The following NCOA6 variants were observed in gnomAD, a reference collection of about 807,000 sequenced individuals.
NCOA6 encodes nuclear receptor coactivator 6.
In NCOA6, 49 loss-of-function variants were observed where a neutral mutation model predicts 171.4. The ratio of observed to expected loss-of-function variants is 0.29; its 90% CI spans 0.23 to 0.36. The LOEUF (loss-of-function observed/expected upper bound fraction) is 0.36. Among genes scored for constraint, NCOA6 ranks in the 10% least tolerant of loss-of-function variants. The pLI, the probability that NCOA6 is intolerant of heterozygous loss-of-function variation, is 1.00. For missense variants in NCOA6, 2,248 were observed against 2,554.5 expected (o/e 0.88, Z 2.59); for synonymous variants, 910 against 927.5 (o/e 0.98, Z 0.34).
intron 8 of NCOA6, 126 bp from the exon 9 acceptor site, chr20:34,750,645 G>A (rs2076447326): frequency 2.9e-6 from 3 of 1,042,034 alleles, no homozygotes; most frequent in African/African-American, 1.6e-5. Context: ...ACATAAATAT[G>A]CTGTTGACAT....
chr20:34,770,930 A>G (rs1186419732), intron 4 of NCOA6, among the ~76,000 whole-genome samples: 1 of 152,132 alleles, frequency 6.6e-6, no homozygotes, highest in Non-Finnish European at 1.5e-5. Flanking sequence ...GTGCCAGGCC[A>G]GGCCAAACTT....
At chr20:34,756,725 A>T (rs1283142848) in intron 7 of NCOA6, among the ~76,000 whole-genome samples, 1 of 152,186 alleles carries the variant, frequency 6.6e-6, no homozygotes, top group Admixed American at 6.5e-5. Flanking sequence ...ATGATTTCTG[A>T]ACTTATTCCC....
chr20:34,741,922 G>A lies in NCOA6; in HGVS notation c.4334C>T (p.Pro1445Leu), dbSNP rs952930803. 1.9e-6 allele frequency: 3 copies of A among 1,614,200 alleles called. No individual in the cohort carries two copies. Among genetic ancestry groups the A allele is most frequent in the East Asian group, 2.2e-5 (1 of 44,886 alleles). The change falls in exon 11 of 15, where the codon CCT becomes CTT. Residue 1445 changes from proline (P) to leucine (L), a missense_variant. Physicochemically the swap from Pro to Leu is moderately conservative, Grantham distance 98. This residue lies in a region of NCOA6 where 884 missense variants were observed against 941.9 expected (regional missense o/e 0.94). Transcript: ENST00000359003. ...GACAACCATTTTAACTTCTTGGGCA[G>A]GGACTGCTTTTAGTTCAATGTTTAC... ...EQVNIELKAV[P>L]AQEVKMVVPE...
rs1220969820 is a variant in NCOA6, at chr20:34,740,466, T to C, written c.5790A>G (p.Val1930=). 3 of 1,614,212 alleles carry C rather than the reference T, an allele frequency of 1.9e-6. No individual in the cohort carries two copies. Among genetic ancestry groups the C allele is most frequent in the Non-Finnish European group, 8.5e-7 (1 of 1,180,044 alleles). ...CACCATGATTGCTTTTTGTGGTCGG[T>C]ACGGCGGAGATGAGCTCGGAGGGTA... ...TLVPSELISA[V]PTTKSNHGGI... The change falls in exon 11 of 15, where the codon GTA becomes GTG. Residue 1930 remains valine, a synonymous_variant. Coordinates refer to ENST00000359003, the MANE Select transcript of NCOA6 (RefSeq NM_014071.5).
At chr20:34,732,450 G>A (rs1295095758) in intron 13 of NCOA6, 109 bp downstream of exon 13, 1 of 1,049,256 alleles carries the variant, frequency 9.5e-7, no homozygotes, top group Non-Finnish European at 1.4e-6. Context: ...TGGTGCAAGA[G>A]TGAAGGAAAA....
At chr20:34,728,963 G>C (rs1203479366) in intron 13 of NCOA6, among the ~76,000 whole-genome samples, 2 of 152,066 alleles carry the variant, frequency 1.3e-5, no homozygotes, top group Non-Finnish European at 2.9e-5. Context: ...GTTGTTGTTT[G>C]TTTTTGAGAT....
rs200033033 is a variant in NCOA6 at position 34,757,248 on chromosome 20, C to T, written c.1500G>A (p.Gly500=). ...CTAGGCCTGGATGTAAACTCTGTGG[C>T]CCCTGGTTTGGTGGTTGCTGCTGCA... ...MVMQQQPPNQ[G]PQSLHPGLGG... Residue 500 remains glycine, a synonymous_variant, in exon 7 of 15, where the codon GGG becomes GGA. Coordinates refer to ENST00000359003, the MANE Select transcript of NCOA6 (RefSeq NM_014071.5). 38 of 1,601,650 alleles carry T rather than the reference C, an allele frequency of 2.4e-5. No homozygotes were observed. The highest frequency in any genetic ancestry group is 3.2e-5 in the Non-Finnish European group (37 of 1,173,758).
intron 1 of NCOA6, among the ~76,000 whole-genome samples, chr20:34,801,950 T>C (rs1443461164): frequency 6.6e-6 from 1 of 152,248 alleles, no homozygotes; most frequent in Non-Finnish European, 1.5e-5. Flanking sequence ...ATGGCTTCAC[T>C]GCTGAATTCT....
At chr20:34,751,185 A>G (rs1170164537) in intron 8 of NCOA6, among the ~76,000 whole-genome samples, 1 of 150,286 alleles carries the variant, frequency 6.7e-6, no homozygotes, top group Non-Finnish European at 1.5e-5. Flanking sequence ...CCTGGCTAAC[A>G]AGGTGAAACC....
At chr20:34,776,504 T>A in intron 3 of NCOA6, 56 bp from the exon 4 acceptor site, 1 of 1,590,468 alleles carries the variant, frequency 6.3e-7, no homozygotes, top group Admixed American at 1.7e-5. Flanking sequence ...CCAGAGGAGA[T>A]GGAATTAAAA....
chr20:34,765,971 A>C (rs978162276), intron 5 of NCOA6, among the ~76,000 whole-genome samples: 1 of 152,222 alleles, frequency 6.6e-6, no homozygotes, highest in Non-Finnish European at 1.5e-5. Context: ...TGAAAAACCA[A>C]CTGTTGTAGA....
At chr20:34,782,653 T>C (rs943750326) in intron 2 of NCOA6, among the ~76,000 whole-genome samples, 1 of 152,158 alleles carries the variant, frequency 6.6e-6, no homozygotes, top group Non-Finnish European at 1.5e-5. Context: ...TACTTTTTTA[T>C]AAGCTAGAAT....
chr20:34,735,339 A>G (rs2075917831), intron 12 of NCOA6, among the ~76,000 whole-genome samples: 1 of 152,148 alleles, frequency 6.6e-6, no homozygotes, highest in Non-Finnish European at 1.5e-5. Flanking sequence ...GGCAATTGGC[A>G]GCAAAGAAAG....
intron 4 of NCOA6, among the ~76,000 whole-genome samples, chr20:34,769,722 T>C (rs1447982530): frequency 1.3e-5 from 2 of 152,198 alleles, no homozygotes; most frequent in Non-Finnish European, 2.9e-5. Context: ...TAGGTAATGT[T>C]ACTAGAAGTG....
intron 2 of NCOA6, among the ~76,000 whole-genome samples, chr20:34,790,358 T>G (rs1249226387): frequency 6.6e-6 from 1 of 152,026 alleles, no homozygotes; most frequent in Non-Finnish European, 1.5e-5. Flanking sequence ...ATTTATTTAT[T>G]TATTTAATTA....
intron 1 of NCOA6, among the ~76,000 whole-genome samples, chr20:34,810,283 T>C (rs1473990449): frequency 6.6e-6 from 1 of 152,242 alleles, no homozygotes; most frequent in Non-Finnish European, 1.5e-5. Context: ...TATAGTTAGC[T>C]ACAAATGAAG....
At chr20:34,727,640 T>C (rs1990124447) in intron 13 of NCOA6, among the ~76,000 whole-genome samples, 1 of 152,130 alleles carries the variant, frequency 6.6e-6, no homozygotes, top group Admixed American at 6.6e-5. Flanking sequence ...AAGCATAATG[T>C]TGGTGAAATT....
At chr20:34,743,808 AT>A (rs2076223846) in intron 10 of NCOA6, among the ~76,000 whole-genome samples, 1 of 152,332 alleles carries the variant, frequency 6.6e-6, no homozygotes, top group East Asian at 1.9e-4. Context: ...CACAGGAATA[AT>A]TTTTTTAAGA....
rs376162085 is a variant in NCOA6, at chr20:34,814,194, C to G, written c.-164+11278G>C. Among the ~76,000 whole-genome samples the G allele has an allele frequency of 7.2e-5, 11 of 152,074 alleles. No homozygotes were observed. The East Asian group carries it at 1.7e-3, about 24-fold the overall frequency. On this transcript the variant is annotated intron_variant, in intron 1 of 14. Coordinates refer to ENST00000359003, the MANE Select transcript of NCOA6 (RefSeq NM_014071.5). ...AATCCCGTGAAAATACAAAAATTAGCCAGGCATGGTGGCGCATGCCTGTAA... is the reference window on the plus strand; with the variant it reads ...AATCCCGTGAAAATACAAAAATTAGGCAGGCATGGTGGCGCATGCCTGTAA...
Sources: allele counts gnomAD v4.1 joint callset (sites outside exome capture counted in the v4.1 genomes callset), GRCh38; gene constraint gnomAD v4.1.1; regional missense constraint gnomAD v4.1.1; transcripts MANE v1.5; gene names NCBI Gene and HGNC (gene_info 2026-07-23, HGNC 2026-07-21).